ELL: variants seen among roughly 807,000 people sequenced by gnomAD.
ELL encodes the protein elongation factor for RNA polymerase II, also known as RNA polymerase II elongation factor ELL.
Under a neutral mutation model 64.0 loss-of-function variants are expected in ELL, and 18 were observed. The observed-to-expected ratio is 0.28, with a 90% CI of 0.19 to 0.42. ELL has a LOEUF of 0.42. Ranked by LOEUF, ELL falls within the 10% of genes least tolerant of loss-of-function variation. The probability of loss-of-function intolerance (pLI) is 1.00; values close to 1 mark genes in which losing one functional copy is unlikely to be tolerated. For missense variants in ELL, 797 were observed against 870.4 expected (o/e 0.92, Z 1.06); for synonymous variants, 399 against 376.2 (o/e 1.06, Z -0.70).
rs545338421 is a variant in ELL, at chr19:18,465,002, A to G, written c.469+410T>C. ...TGGCTGGTCAGGTGAGGGTGGGGGC[A>G]GCCTCCAGAGACAGACATGGGCCTT... On this transcript the variant is annotated intron_variant, in intron 4 of 11. Transcript: ENST00000262809. Among the ~76,000 whole-genome samples, 3 of 152,328 alleles carry G rather than the reference A, an allele frequency of 2.0e-5. No individual in the cohort carries two copies. In the South Asian group the frequency reaches 6.2e-4, roughly 32 times the overall value.
intron 4 of ELL, among the ~76,000 whole-genome samples, chr19:18,463,213 T>C (rs1410917688): frequency 6.6e-6 from 1 of 151,294 alleles, no homozygotes; most frequent in Non-Finnish European, 1.5e-5. Context: ...GTCTGTTCAG[T>C]GGGGTCCTGA....
intron 1 of ELL, among the ~76,000 whole-genome samples, chr19:18,514,586 A>T (rs1469554916): frequency 6.6e-6 from 1 of 151,278 alleles, no homozygotes; most frequent in Non-Finnish European, 1.5e-5. Context: ...CATTCACTGC[A>T]CCTGCAGGTC....
intron 6 of ELL, among the ~76,000 whole-genome samples, chr19:18,452,151 T>A (rs192469024): frequency 2.6e-3 from 401 of 152,284 alleles, no homozygotes; most frequent in African/African-American, 8.4e-3. Flanking sequence ...TGCATGCCCC[T>A]TCTCCCGCTC....
rs1600415288 is a variant in ELL at position 18,444,467 on chromosome 19, T to G, written c.*285A>C. 5.1e-6 allele frequency: 2 copies of G among 392,036 alleles called. No homozygotes were observed. The highest frequency in any genetic ancestry group is 9.2e-6 in the Non-Finnish European group (2 of 217,260). The allele number at this position is 392,036 out of a possible 1,614,324, so 24.3% of individuals were successfully genotyped here. ...GCGCGCCACCCCAAGGGCCTAGGAG[T>G]CTTCTGGCGAGACAGGAGGCTGAAC... is the stretch of plus-strand genomic sequence containing the variant. On this transcript the variant is annotated 3_prime_UTR_variant, in exon 12 of 12. Coordinates refer to ENST00000262809, the MANE Select transcript of ELL (RefSeq NM_006532.4).
Position 18,472,891 on chromosome 19 carries a change from A to G in ELL, c.136-9T>C, listed in dbSNP as rs1975094945. 6.5e-7 allele frequency: 1 copy of G among 1,539,260 alleles called. No homozygotes were observed. Among genetic ancestry groups the G allele is most frequent in the Admixed American group, 2.0e-5 (1 of 49,520 alleles). The stretch of plus-strand genomic sequence containing the variant: ...CTCAGTGAAACAGAATCCTATAAAA[A>G]AAAAAAAAAAAAAAAAAAGGTGAGG... On this transcript the variant is annotated splice_polypyrimidine_tract_variant and intron_variant, in intron 1 of 11. Transcript: ENST00000262809.
chr19:18,484,019 G>A (rs1293029268), intron 1 of ELL, among the ~76,000 whole-genome samples: 4 of 152,172 alleles, frequency 2.6e-5, no homozygotes, highest in African/African-American at 4.8e-5. Flanking sequence ...TTCAAACAGG[G>A]AAAGACGCTG....
Position 18,444,806 on chromosome 19 carries a change from G to A in ELL, c.1812C>T (p.His604=). The change falls in exon 12 of 12, where the codon CAC becomes CAT. Residue 604 remains histidine, a synonymous_variant. Transcript: ENST00000262809. ...RCEYLHSKLA[H]IKRLIAEYDQ... The stretch of plus-strand genomic sequence containing the variant: ...CGTACTCGGCGATGAGCCTCTTGAT[G>A]TGGGCCAGCTTGCTGTGCAGGTACT... 4 of 1,611,412 alleles carry A rather than the reference G, an allele frequency of 2.5e-6. No homozygotes were observed. Among genetic ancestry groups the A allele is most frequent in the Non-Finnish European group, 3.4e-6 (4 of 1,179,936 alleles).
At chr19:18,516,175 G>A (rs1976123349) in intron 1 of ELL, among the ~76,000 whole-genome samples, 1 of 152,070 alleles carries the variant, frequency 6.6e-6, no homozygotes, top group African/African-American at 2.4e-5. Flanking sequence ...TGCCACCGGT[G>A]CCAAGGGTGA....
In ELL at chr19:18,477,484, G is replaced by T. The variant is rs562793640; in HGVS notation, c.136-4602C>A. ...TAAATCCACAGACCCAAGAAGCCTT[G>T]TCAACCCCCAGCAGGAAAACTACCA... On this transcript the variant is annotated intron_variant, in intron 1 of 11. Coordinates refer to ENST00000262809, the MANE Select transcript of ELL (RefSeq NM_006532.4). 2.0e-5 allele frequency among the ~76,000 whole-genome samples: 3 copies of T among 152,242 alleles called. No individual in the cohort carries two copies. The East Asian group carries it at 5.8e-4, about 29-fold the overall frequency.
At chr19:18,461,365 G>A (rs1028715919) in intron 5 of ELL, among the ~76,000 whole-genome samples, 34 of 152,164 alleles carry the variant, frequency 2.2e-4, no homozygotes, top group Non-Finnish European at 4.4e-4. Context: ...CTGGACAGTC[G>A]GGGCCATGCC....
intron 2 of ELL, among the ~76,000 whole-genome samples, chr19:18,466,872 G>A (rs554541518): frequency 3.3e-5 from 5 of 152,292 alleles, no homozygotes; most frequent in South Asian, 4.1e-4. Context: ...CCCAAGCCCC[G>A]TCTCCTCCTC....
At chr19:18,493,690 T>A (rs552979518) in intron 1 of ELL, among the ~76,000 whole-genome samples, 3 of 152,194 alleles carry the variant, frequency 2.0e-5, no homozygotes, top group Non-Finnish European at 2.9e-5. Flanking sequence ...CAAGGCTCAG[T>A]TGGCCCTGCC....
In ELL at chr19:18,443,194, C is replaced by A. The variant is rs1974330309; in HGVS notation, c.*1558G>T. 1 of 231,382 alleles carries A rather than the reference C, an allele frequency of 4.3e-6. No homozygotes were observed. 14.3% of individuals were successfully genotyped at this position (231,382 alleles called of 1,614,324 possible). ...CCTCCTGGAGCCTGCTCGGCCCTTC[C>A]CCGGCCCGGCCCGGCCCAAAGAGAA... On this transcript the variant is annotated 3_prime_UTR_variant, in exon 12 of 12. Coordinates refer to ENST00000262809, the MANE Select transcript of ELL (RefSeq NM_006532.4).
chr19:18,506,455 C>T (rs1975886621), intron 1 of ELL, among the ~76,000 whole-genome samples: 1 of 152,258 alleles, frequency 6.6e-6, no homozygotes, highest in Non-Finnish European at 1.5e-5. Context: ...GGCTGGGTGC[C>T]ATGGCTCACG....
chr19:18,445,948 T>C (rs1335361958), intron 10 of ELL, among the ~76,000 whole-genome samples: 2 of 151,926 alleles, frequency 1.3e-5, no homozygotes, highest in Non-Finnish European at 2.9e-5. Context: ...CTGCGGAGTC[T>C]CCTGAGGGTT....
intron 5 of ELL, 39 bp from the exon 6 acceptor site, chr19:18,458,368 G>A (rs775897838): frequency 1.3e-6 from 2 of 1,595,466 alleles, no homozygotes; most frequent in Non-Finnish European, 8.6e-7. Flanking sequence ...TGGGAATCCT[G>A]AGAGAGACGG....
intron 1 of ELL, among the ~76,000 whole-genome samples, chr19:18,479,484 G>A (rs1348376169): frequency 6.6e-6 from 1 of 152,128 alleles, no homozygotes; most frequent in African/African-American, 2.4e-5. Flanking sequence ...TGAGGCAGGT[G>A]GACTGCTTGA....
At chr19:18,491,327 G>A (rs1038511303) in intron 1 of ELL, among the ~76,000 whole-genome samples, 2 of 131,584 alleles carry the variant, frequency 1.5e-5, no homozygotes, top group Non-Finnish European at 3.1e-5. Context: ...TGCCCAGGCT[G>A]GTCTTGAACT....
intron 1 of ELL, among the ~76,000 whole-genome samples, chr19:18,500,331 GGT>G (rs913273262): frequency 1.3e-5 from 2 of 151,880 alleles, no homozygotes; most frequent in Non-Finnish European, 2.9e-5. Context: ...TCCTGAGACA[GGT>G]GTGACCATGA....
Sources: allele counts gnomAD v4.1 joint callset (sites outside exome capture counted in the v4.1 genomes callset), GRCh38; gene constraint gnomAD v4.1.1; transcripts MANE v1.5; gene names NCBI Gene and HGNC (gene_info 2026-07-23, HGNC 2026-07-21).